CEP350: variants seen among roughly 807,000 people sequenced by gnomAD.
CEP350 encodes the protein centrosome-associated protein 350.
Under a neutral mutation model 331.8 loss-of-function variants are expected in CEP350, and 126 were observed. The ratio of observed to expected loss-of-function variants is 0.38; its 90% confidence interval spans 0.33 to 0.44. The LOEUF is 0.44. Among genes scored for constraint, CEP350 ranks in the 20% least tolerant of loss-of-function variants. The pLI, the probability that CEP350 is intolerant of heterozygous loss-of-function variation, is 1.00. For missense variants in CEP350, 3,406 were observed against 3,634.6 expected, an observed-to-expected ratio of 0.94 and a Z score of 1.62; for synonymous variants, 1,200 against 1,259.5, an observed-to-expected ratio of 0.95 and a Z score of 1.00.
At chr1:180,043,900 G>A in intron 20 of CEP350, 151 bp from the exon 21 acceptor site, 1 of 654,186 alleles carries the variant, frequency 1.5e-6, no homozygotes, top group Non-Finnish European at 2.3e-6. Context: ...TACTTCCTTA[G>A]TAAAACAGAA....
intron 27 of CEP350, among the ~76,000 whole-genome samples, chr1:180,070,770 G>A (rs554822793): frequency 3.3e-5 from 5 of 152,280 alleles, no homozygotes; most frequent in Middle Eastern, 3.4e-3. Context: ...ATAGTATTTT[G>A]TTGAAATTAG....
At chr1:180,006,106 A>G (rs1267424492) in intron 7 of CEP350, among the ~76,000 whole-genome samples, 1 of 152,204 alleles carries the variant, frequency 6.6e-6, no homozygotes, top group Non-Finnish European at 1.5e-5. Flanking sequence ...TGAAATAGGA[A>G]TCTGTGAGAG....
chr1:179,995,185 T>C (rs1653378352), intron 5 of CEP350, among the ~76,000 whole-genome samples: 1 of 152,230 alleles, frequency 6.6e-6, no homozygotes, highest in Non-Finnish European at 1.5e-5. Flanking sequence ...GACGTTCAGG[T>C]CCAGCCTGTT....
At position 180,110,983 on chromosome 1, in the gene CEP350, C is replaced by T. The variant is rs1661443595; in HGVS notation, c.9190-14C>T. On this transcript the variant is annotated splice_polypyrimidine_tract_variant and intron_variant, in intron 37 of 37. Coordinates refer to ENST00000367607, the MANE Select transcript of CEP350 (RefSeq NM_014810.5). ...GACAGGAATTTTCTAACCTTATTGT[C>T]TTCTAAATCCTAGGTTCAGGAGCTC... 1.2e-6 allele frequency: 2 copies of T among 1,610,918 alleles called. No homozygotes were observed. Among genetic ancestry groups the T allele is most frequent in the South Asian group, 2.2e-5 (2 of 90,952 alleles).
chr1:179,988,887 A>G (rs1337876022), intron 3 of CEP350, among the ~76,000 whole-genome samples: 4 of 152,050 alleles, frequency 2.6e-5, no homozygotes, highest in African/African-American at 9.7e-5. Flanking sequence ...TGGCCCTATA[A>G]ATATAGCAAT....
Position 180,053,895 on chromosome 1 carries a change from A to C in CEP350, c.5135A>C (p.Lys1712Thr). ...CTCCGTGAAAAGGCCTTGAAGGAGAAGACTAAGGCTGAATTGGCCTGGTTA... is the reference window on the plus strand; with the variant it reads ...CTCCGTGAAAAGGCCTTGAAGGAGACGACTAAGGCTGAATTGGCCTGGTTA... ...LRLREKALKE[K>T]TKAELAWLEH... Residue 1712 changes from lysine to threonine, a missense_variant, in exon 24 of 38, where the codon AAG becomes ACG. This residue lies in a region of CEP350 where 104 missense variants were observed against 143.3 expected (regional missense o/e 0.73). Transcript: ENST00000367607. The C allele has an allele frequency of 6.2e-7, 1 of 1,609,190 alleles. No individual in the cohort carries two copies. Among genetic ancestry groups the C allele is most frequent in the Non-Finnish European group, 8.5e-7 (1 of 1,177,226 alleles).
chr1:180,108,368 T>C (rs1247413350), intron 37 of CEP350, among the ~76,000 whole-genome samples: 1 of 152,130 alleles, frequency 6.6e-6, no homozygotes, highest in Non-Finnish European at 1.5e-5. Context: ...GCAGCATGGC[T>C]CATGCCTGTA....
chr1:180,094,674 A>G (rs1344346233), intron 34 of CEP350, 58 bp downstream of exon 34: 37 of 1,533,000 alleles, frequency 2.4e-5, no homozygotes, highest in Non-Finnish European at 3.1e-5. Context: ...TAACAAGGCA[A>G]CTTACCTTGC....
Position 180,014,128 on chromosome 1 carries a change from C to T in CEP350, c.1675C>T (p.Pro559Ser). The change falls in exon 10 of 38, where the codon CCA becomes TCA. Residue 559 changes from proline to serine, a missense_variant. Physicochemically the swap from Pro to Ser is moderately conservative, Grantham distance 74 (BLOSUM62 -1). Around this residue, in one of 5 missense-constraint regions of CEP350, gnomAD observed 1,857 missense variants for 1,909.2 expected, o/e 0.97. Coordinates refer to ENST00000367607, the MANE Select transcript of CEP350 (RefSeq NM_014810.5). ...GTTACAGAACCAGAAGTCATCAGCA[C>T]CAGTACATGCTCCTAGGAGTCACAG... The part of the protein sequence containing the change: ...VELQNQKSSA[P>S]VHAPRSHSPV... 1 of 1,610,194 alleles carries T rather than the reference C, an allele frequency of 6.2e-7. No homozygotes were observed. The highest frequency in any genetic ancestry group is 8.5e-7 in the Non-Finnish European group (1 of 1,178,140).
chr1:180,081,860 G>T (rs1659591039), intron 30 of CEP350, among the ~76,000 whole-genome samples: 1 of 152,176 alleles, frequency 6.6e-6, no homozygotes, highest in Non-Finnish European at 1.5e-5. Flanking sequence ...GTATATTTCA[G>T]TGTGGAATAG....
chr1:179,985,809 G>C (rs971795355), intron 1 of CEP350, among the ~76,000 whole-genome samples: 7 of 152,158 alleles, frequency 4.6e-5, no homozygotes, highest in Non-Finnish European at 8.8e-5. Flanking sequence ...TATGACACTT[G>C]GGGATTATGG....
Position 179,968,043 on chromosome 1 carries a change from G to T in CEP350, c.-14+12901G>T, listed in dbSNP as rs374272046. 3.2e-4 allele frequency among the ~76,000 whole-genome samples: 49 copies of T among 152,228 alleles called. 1 individual carries two copies. In the East Asian group the frequency reaches 8.5e-3, roughly 26 times the overall value. ...GTGCGTGAACTAGGGATATAAAGAG[G>T]AATAAGAGCAGGTGCTGTGGCTCAG... is the stretch of plus-strand genomic sequence containing the variant. On this transcript the variant is annotated intron_variant, in intron 1 of 37. Coordinates refer to ENST00000367607, the MANE Select transcript of CEP350 (RefSeq NM_014810.5).
intron 27 of CEP350, among the ~76,000 whole-genome samples, chr1:180,071,476 A>G (rs923210120): frequency 6.0e-5 from 9 of 150,672 alleles, no homozygotes; most frequent in Non-Finnish European, 1.2e-4. Context: ...AAAAAAAAAA[A>G]AATTTAAAAA....
rs750496724 is a variant in CEP350 at position 180,102,099 on chromosome 1, G to A, written c.9189+3114G>A. Among the ~76,000 whole-genome samples, 109 of 152,018 alleles carry A rather than the reference G, an allele frequency of 7.2e-4. 2 individuals carry two copies. The highest frequency in any genetic ancestry group is 2.6e-4 in the Non-Finnish European group (18 of 68,000). On this transcript the variant is annotated intron_variant, in intron 37 of 37. Coordinates refer to ENST00000367607, the MANE Select transcript of CEP350 (RefSeq NM_014810.5). ...GTAGGGGAACATTAGAGTGAAAGGA[G>A]GGCGGGCCTGCCACTGAGGCCTAAC...
chr1:179,961,989 G>T (rs1650661758), intron 1 of CEP350, among the ~76,000 whole-genome samples: 1 of 151,888 alleles, frequency 6.6e-6, no homozygotes, highest in South Asian at 2.1e-4. Flanking sequence ...TGGACTACAG[G>T]TACGAGCCAC....
intron 31 of CEP350, among the ~76,000 whole-genome samples, chr1:180,084,530 A>G (rs1659747014): frequency 6.6e-6 from 1 of 151,984 alleles, no homozygotes; most frequent in Non-Finnish European, 1.5e-5. Flanking sequence ...ACGCCCGGCT[A>G]ATTTTTTGTA....
intron 6 of CEP350, among the ~76,000 whole-genome samples, chr1:179,998,803 T>G (rs1653663679): frequency 6.6e-6 from 1 of 152,190 alleles, no homozygotes; most frequent in Admixed American, 6.5e-5. Context: ...TAGTTTTTTG[T>G]ATTGTTTACT....
In CEP350 at chr1:179,986,155, T is replaced by C. The variant is rs372861516; in HGVS notation, c.-13-14T>C. On this transcript the variant is annotated splice_polypyrimidine_tract_variant and intron_variant, in intron 1 of 37. Transcript: ENST00000367607. ...TATAAGATTGATGTTCGGTGAATAC[T>C]GATGTGATTGCAGGTAAATTGGCAG... 59 of 1,543,528 alleles carry C rather than the reference T, an allele frequency of 3.8e-5. No homozygotes were observed. In the East Asian group the frequency reaches 6.4e-4, roughly 17 times the overall value.
chr1:180,020,084 T>C lies in CEP350; in HGVS notation c.2310T>C (p.Ile770=). 1 of 1,613,978 alleles carries C rather than the reference T, an allele frequency of 6.2e-7. No individual in the cohort carries two copies. The highest frequency in any genetic ancestry group is 8.5e-7 in the Non-Finnish European group (1 of 1,179,886). Residue 770 remains isoleucine (I), a synonymous_variant, in exon 12 of 38, where the codon ATT becomes ATC. Coordinates refer to ENST00000367607, the MANE Select transcript of CEP350 (RefSeq NM_014810.5). ...SHLLSLEHVG[I]LHKDFESILP... ...TCTTGAGTTTAGAGCATGTAGGAAT[T>C]TTGCATAAGGATTTTGAATCTATTT...
Sources: allele counts gnomAD v4.1 joint callset (sites outside exome capture counted in the v4.1 genomes callset), GRCh38; gene constraint gnomAD v4.1.1; regional missense constraint gnomAD v4.1.1; transcripts MANE v1.5; gene names NCBI Gene and HGNC (gene_info 2026-07-23, HGNC 2026-07-21).